The following ASIC2 variants were observed in gnomAD, a reference collection of about 807,000 sequenced individuals.
The protein encoded by ASIC2 is acid sensing ion channel subunit 2.
A neutral mutation model predicts 57.3 loss-of-function variants in ASIC2; 25 were observed. The ratio of observed to expected loss-of-function variants is 0.44; its 90% CI spans 0.32 to 0.61. The LOEUF is 0.61. Among genes scored for constraint, ASIC2 ranks in the 20% least tolerant of loss-of-function variants. The pLI, the probability that ASIC2 is intolerant of heterozygous loss-of-function variation, is 0.06. For missense variants in ASIC2, 641 were observed against 738.1 expected (o/e 0.87, Z 1.52); for synonymous variants, 319 against 307.5 (o/e 1.04, Z -0.39).
intron 1 of ASIC2, among the ~76,000 whole-genome samples, chr17:33,907,693 A>T (rs1330243913): frequency 6.6e-6 from 1 of 152,028 alleles, no homozygotes; most frequent in African/African-American, 2.4e-5. Flanking sequence ...CAACGTGGAG[A>T]TCTGTCTTTT....
At chr17:33,339,306 C>T (rs1817630781) in intron 1 of ASIC2, among the ~76,000 whole-genome samples, 1 of 152,090 alleles carries the variant, frequency 6.6e-6, no homozygotes, top group Non-Finnish European at 1.5e-5. Flanking sequence ...GGTCTGGGGG[C>T]AGCAAACTTT....
At chr17:33,149,451 A>G (rs1182263458) in intron 1 of ASIC2, among the ~76,000 whole-genome samples, 2 of 152,224 alleles carry the variant, frequency 1.3e-5, no homozygotes, top group East Asian at 3.8e-4. Context: ...CTCATTACAT[A>G]ATGTTTGAGT....
intron 1 of ASIC2, among the ~76,000 whole-genome samples, chr17:33,550,755 G>C (rs978438433): frequency 6.6e-6 from 1 of 152,230 alleles, no homozygotes; most frequent in Non-Finnish European, 1.5e-5. Flanking sequence ...ATGGTTTCTA[G>C]AGAAGGTACA....
At chr17:33,151,751 G>A (rs1049696754) in intron 1 of ASIC2, among the ~76,000 whole-genome samples, 6 of 152,112 alleles carry the variant, frequency 3.9e-5, no homozygotes, top group Admixed American at 6.5e-5. Context: ...ATGGGATGAC[G>A]CACCAAGAAA....
intron 1 of ASIC2, among the ~76,000 whole-genome samples, chr17:33,413,565 C>A (rs561674248): frequency 1.3e-4 from 20 of 152,254 alleles, no homozygotes; most frequent in Non-Finnish European, 2.5e-4. Flanking sequence ...CCAACAAGGC[C>A]TCGCCTAGGC....
At chr17:33,434,934 G>C (rs910246634) in intron 1 of ASIC2, among the ~76,000 whole-genome samples, 9 of 152,072 alleles carry the variant, frequency 5.9e-5, no homozygotes, top group African/African-American at 2.2e-4. Context: ...TATTTGTGGT[G>C]GTAGTATTTA....
At position 33,870,224 on chromosome 17, in the gene ASIC2, G is replaced by GTTT. The variant is rs869267956; in HGVS notation, c.555+285751_555+285753dup. Among the ~76,000 whole-genome samples, 77 of 50,124 alleles carry GTTT rather than the reference G, an allele frequency of 1.5e-3. 11 individuals are homozygous for GTTT. Among genetic ancestry groups the GTTT allele is most frequent in the Admixed American group, 2.1e-3 (6 of 2,884 alleles). The allele number at this position is 50,124 out of a possible 152,430, so 32.9% of individuals were successfully genotyped here. A position where few individuals can be genotyped will look rare whatever the true frequency, so the allele number is the denominator to read the frequency against. On this transcript the variant is annotated intron_variant, in intron 1 of 9. Coordinates refer to the ASIC2 transcript ENST00000359872. ...CTTGTGGGCTGTGATGAGAAATTCT[G>GTTT]TTTTTTTTTTTTTTTTTTTTTTTTT...
chr17:33,879,784 A>C (rs578057052), intron 1 of ASIC2, among the ~76,000 whole-genome samples: 13 of 152,300 alleles, frequency 8.5e-5, no homozygotes, highest in South Asian at 2.1e-4. Context: ...CTCTCCACCC[A>C]AAATCAACAG....
At chr17:34,073,756 T>G (rs1220765738) in intron 1 of ASIC2, among the ~76,000 whole-genome samples, 1 of 152,286 alleles carries the variant, frequency 6.6e-6, no homozygotes, top group African/African-American at 2.4e-5. Flanking sequence ...AGGTCAAAAC[T>G]TATCCAGTCA....
chr17:33,963,659 T>C (rs1291735751), intron 1 of ASIC2, among the ~76,000 whole-genome samples: 1 of 151,856 alleles, frequency 6.6e-6, no homozygotes, highest in African/African-American at 2.4e-5. Flanking sequence ...ATATGCATAA[T>C]ATATATCACC....
chr17:33,471,982 C>T (rs1008999583), intron 1 of ASIC2, among the ~76,000 whole-genome samples: 1 of 150,910 alleles, frequency 6.6e-6, no homozygotes, highest in Non-Finnish European at 1.5e-5. Flanking sequence ...TCTTACAGAG[C>T]TGAAATTTGA....
intron 1 of ASIC2, among the ~76,000 whole-genome samples, chr17:33,708,148 A>G (rs1215878611): frequency 2.0e-5 from 3 of 152,178 alleles, no homozygotes; most frequent in African/African-American, 4.8e-5. Flanking sequence ...TATTTCTTTT[A>G]TGGAGTTTCA....
At chr17:33,306,710 T>C (rs898228859) in intron 1 of ASIC2, among the ~76,000 whole-genome samples, 2 of 152,162 alleles carry the variant, frequency 1.3e-5, no homozygotes, top group Non-Finnish European at 2.9e-5. Context: ...TTAACTGGGC[T>C]CCTTGTCTTT....
At chr17:34,138,172 A>G (rs528629737) in intron 1 of ASIC2, among the ~76,000 whole-genome samples, 206 of 152,258 alleles carry the variant, frequency 1.4e-3, no homozygotes, top group Non-Finnish European at 2.4e-3. Flanking sequence ...GACCTTGTCA[A>G]TTGCCTTCAT....
At chr17:33,635,938 A>G (rs965123436) in intron 1 of ASIC2, among the ~76,000 whole-genome samples, 5 of 152,272 alleles carry the variant, frequency 3.3e-5, no homozygotes, top group African/African-American at 1.2e-4. Flanking sequence ...TCAAAGGACT[A>G]GATAAACAGA....
chr17:33,705,634 C>A (rs1342150780), intron 1 of ASIC2, among the ~76,000 whole-genome samples: 1 of 152,118 alleles, frequency 6.6e-6, no homozygotes, highest in Non-Finnish European at 1.5e-5. Context: ...TGGTCACAAG[C>A]CCAGGAATGC....
rs535340284 is a variant in ASIC2, at chr17:33,898,145, T to C, written c.555+257833A>G. On this transcript the variant is annotated intron_variant, in intron 1 of 9. Coordinates refer to the ASIC2 transcript ENST00000359872. ...GCTCTGCCCATATTTCTTTCTTTCT[T>C]ATTTTTACTTTTTATTTGGAATAAT... 2.0e-5 allele frequency among the ~76,000 whole-genome samples: 3 copies of C among 152,100 alleles called. No homozygotes were observed. In the East Asian group the frequency reaches 5.8e-4, roughly 29 times the overall value.
At chr17:33,428,757 C>G (rs1384337797) in intron 1 of ASIC2, among the ~76,000 whole-genome samples, 4 of 152,184 alleles carry the variant, frequency 2.6e-5, no homozygotes, top group African/African-American at 9.7e-5. Context: ...ACGGACAGCC[C>G]TCTACCTTCC....
chr17:33,589,863 G>A (rs1904770562), intron 1 of ASIC2, among the ~76,000 whole-genome samples: 1 of 152,062 alleles, frequency 6.6e-6, no homozygotes, highest in African/African-American at 2.4e-5. Flanking sequence ...AGTTCTTTTG[G>A]GTGCATACCC....
Sources: gnomAD v4.1 joint callset for allele counts (sites outside exome capture counted in the v4.1 genomes callset) on GRCh38, gnomAD v4.1.1 for gene constraint, MANE v1.5 for transcripts, NCBI Gene and HGNC (gene_info 2026-07-23, HGNC 2026-07-21) for gene names.